ZNF536: variants seen among roughly 807,000 people sequenced by gnomAD.
The protein encoded by ZNF536 is zinc finger protein 536.
Under a neutral mutation model 84.5 loss-of-function variants are expected in ZNF536, and 13 were observed. The observed-to-expected ratio is 0.15, with a 90% confidence interval of 0.10 to 0.24. ZNF536 has a LOEUF of 0.24. ZNF536 is among the 10% of genes least tolerant of loss of function. ZNF536 has a pLI of 1.00. For missense variants in ZNF536, 1,536 were observed against 1,747.5 expected (o/e 0.88, Z 2.16); for synonymous variants, 811 against 742.5 (o/e 1.09, Z -1.50).
intron 1 of ZNF536, among the ~76,000 whole-genome samples, chr19:30,582,890 G>A (rs1337348261): frequency 6.6e-6 from 1 of 152,166 alleles, no homozygotes; most frequent in African/African-American, 2.4e-5. Context: ...CAACACGTGG[G>A]AATTATGGGA....
intron 2 of ZNF536, among the ~76,000 whole-genome samples, chr19:30,531,371 G>A (rs1046673744): frequency 2.9e-4 from 44 of 151,970 alleles, no homozygotes; most frequent in Admixed American, 1.2e-3. Context: ...AATGTGGCCT[G>A]GGCAAGTCCT....
chr19:30,298,241 G>A (rs938617753), intron 2 of ZNF536, among the ~76,000 whole-genome samples: 4 of 151,998 alleles, frequency 2.6e-5, no homozygotes, highest in Non-Finnish European at 5.9e-5. Flanking sequence ...TTAGAATAGC[G>A]GGCTAATTCC....
chr19:30,275,523 T>C (rs2026079431), intron 1 of ZNF536, among the ~76,000 whole-genome samples: 2 of 152,142 alleles, frequency 1.3e-5, no homozygotes, highest in Admixed American at 1.3e-4. Context: ...AGGGAAGAGA[T>C]GCTGTTGCCT....
intron 2 of ZNF536, among the ~76,000 whole-genome samples, chr19:30,305,654 G>C (rs1035792523): frequency 6.6e-6 from 1 of 152,224 alleles, no homozygotes; most frequent in African/African-American, 2.4e-5. Flanking sequence ...ACAGTCTCTT[G>C]CCAAGGTTGG....
intron 2 of ZNF536, among the ~76,000 whole-genome samples, chr19:30,525,901 A>G (rs984373469): frequency 6.6e-6 from 1 of 152,180 alleles, no homozygotes; most frequent in Non-Finnish European, 1.5e-5. Flanking sequence ...CCACCTGGAC[A>G]TATTGAGACA....
At chr19:30,432,379 C>A (rs914208641) in intron 1 of ZNF536, among the ~76,000 whole-genome samples, 12 of 152,108 alleles carry the variant, frequency 7.9e-5, no homozygotes, top group Admixed American at 1.3e-4. Context: ...GGTAACCCAC[C>A]TACTCTCACC....
intron 2 of ZNF536, among the ~76,000 whole-genome samples, chr19:30,343,996 A>G (rs2047648163): frequency 6.6e-6 from 1 of 152,002 alleles, no homozygotes; most frequent in Admixed American, 6.6e-5. Flanking sequence ...TGGCCATGCG[A>G]AAGTGTCAGA....
At chr19:30,341,277 T>C (rs531402556) in intron 2 of ZNF536, among the ~76,000 whole-genome samples, 3 of 152,212 alleles carry the variant, frequency 2.0e-5, no homozygotes, top group South Asian at 4.1e-4. Flanking sequence ...AGGAAAAAAA[T>C]AGTTTGTTGA....
At chr19:30,659,973 GTGTGTGTGTT>G (rs1056059430) in intron 1 of ZNF536, among the ~76,000 whole-genome samples, 2 of 151,750 alleles carry the variant, frequency 1.3e-5, no homozygotes, top group African/African-American at 4.9e-5. Flanking sequence ...GTGTGTGTGT[GTGTGTGTGTT>G]TGTATGTGTT....
chr19:30,563,931 A>T (rs954879891), intron 1 of ZNF536, among the ~76,000 whole-genome samples: 1 of 152,092 alleles, frequency 6.6e-6, no homozygotes, highest in Admixed American at 6.5e-5. Context: ...CACAATTCCC[A>T]CTATGTCAAG....
Position 30,584,628 on chromosome 19 carries a change from C to T in ZNF536, c.169+35114C>T, listed in dbSNP as rs558678752. 6.0e-4 allele frequency among the ~76,000 whole-genome samples: 92 copies of T among 152,312 alleles called. 1 individual carries two copies. The highest frequency in any genetic ancestry group is 2.1e-3 in the African/African-American group (89 of 41,574). ...CCATGTCCAGCCTTCGGGATTAGCT[C>T]TCTTTTTCTGTTCTTTAATAAAGCC... On this transcript the variant is annotated intron_variant, in intron 1 of 1. Coordinates refer to the ZNF536 transcript ENST00000592773.
rs1466172835 is a variant in ZNF536, at chr19:30,547,927, T to C, written c.2324-16T>C. On this transcript the variant is annotated splice_polypyrimidine_tract_variant and intron_variant, in intron 3 of 4. Transcript: ENST00000355537. ...AGATAAACGCCTCTTTTTTTTCTTA[T>C]ATCAAAATCTTGCAGGTGAGAAACC... 4 of 1,515,116 alleles carry C rather than the reference T, an allele frequency of 2.6e-6. No individual in the cohort carries two copies. Among genetic ancestry groups the C allele is most frequent in the South Asian group, 1.3e-5 (1 of 74,366 alleles). 93.9% of individuals were successfully genotyped at this position (1,515,116 alleles called of 1,614,324 possible). A position where few individuals can be genotyped will look rare whatever the true frequency, so the allele number is the denominator to read the frequency against.
intron 3 of ZNF536, among the ~76,000 whole-genome samples, chr19:30,542,089 T>C (rs1375496349): frequency 6.6e-6 from 1 of 152,140 alleles, no homozygotes; most frequent in Non-Finnish European, 1.5e-5. Context: ...GAAACACTTT[T>C]GGAGATTTAG....
chr19:30,315,719 C>T (rs930359234), intron 2 of ZNF536, among the ~76,000 whole-genome samples: 2 of 152,286 alleles, frequency 1.3e-5, no homozygotes, highest in Non-Finnish European at 2.9e-5. Flanking sequence ...CTTCTCCCAT[C>T]GATGGAGAAA....
At chr19:30,304,432 T>A (rs1028692837) in intron 2 of ZNF536, among the ~76,000 whole-genome samples, 15 of 152,190 alleles carry the variant, frequency 9.9e-5, no homozygotes, top group African/African-American at 3.6e-4. Flanking sequence ...TATCCCATTC[T>A]CCTGCAAGGA....
intron 1 of ZNF536, chr19:30,668,675 T>A (rs541165250): frequency 3.3e-5 from 5 of 152,278 alleles, no homozygotes; most frequent in Admixed American, 3.3e-4. Flanking sequence ...TCGGTGTAGG[T>A]CTCCTCTATA....
chr19:30,556,972 A>G (rs2045987902), intron 4 of ZNF536, 185 bp from the exon 5 acceptor site: 1 of 612,052 alleles, frequency 1.6e-6, no homozygotes, highest in Non-Finnish European at 2.9e-6. Context: ...CTAATTGCCA[A>G]CCTGCCCTAA....
At chr19:30,664,002 C>T (rs1056758338) in intron 1 of ZNF536, among the ~76,000 whole-genome samples, 24 of 152,256 alleles carry the variant, frequency 1.6e-4, no homozygotes, top group Middle Eastern at 3.4e-3. Flanking sequence ...TTCTAGGCTT[C>T]TTTAATCTGT....
chr19:30,516,911 TA>T (rs993783611), intron 2 of ZNF536, among the ~76,000 whole-genome samples: 28 of 152,052 alleles, frequency 1.8e-4, no homozygotes, highest in Non-Finnish European at 3.4e-4. Flanking sequence ...TTGGAGAAGA[TA>T]GGGGAAGGCC....
Sources: allele counts gnomAD v4.1 joint callset (sites outside exome capture counted in the v4.1 genomes callset), GRCh38; gene constraint gnomAD v4.1.1; transcripts MANE v1.5; gene names NCBI Gene and HGNC (gene_info 2026-07-23, HGNC 2026-07-21).